The following ABCB5 variants were observed in gnomAD, a reference collection of about 807,000 sequenced individuals.
The protein encoded by ABCB5 is ATP-binding cassette sub-family B member 5.
A neutral mutation model predicts 144.2 loss-of-function variants in ABCB5; 155 were observed. The observed-to-expected ratio is 1.08, with a 90% CI of 0.94 to 1.23. ABCB5 has a LOEUF of 1.23. Ranked by LOEUF, ABCB5 falls within the 50% of genes most tolerant of loss-of-function variation. The pLI, the probability that ABCB5 is intolerant of heterozygous loss-of-function variation, is 0.00. For missense variants in ABCB5, 1,830 were observed against 1,520.8 expected (o/e 1.20, Z -3.38); for synonymous variants, 610 against 528.6 (o/e 1.15, Z -2.11).
chr7:20,755,754 C>A lies in ABCB5; in HGVS notation c.*130C>A. The A allele has an allele frequency of 1.1e-6, 1 of 892,110 alleles. No homozygotes were observed. Among genetic ancestry groups the A allele is most frequent in the Non-Finnish European group, 1.7e-6 (1 of 590,672 alleles). 55.3% of individuals were successfully genotyped at this position (892,110 alleles called of 1,614,324 possible). A position where few individuals can be genotyped will look rare whatever the true frequency, so the allele number is the denominator to read the frequency against. ...TAGAATCATGCTACTCAAGTACATA[C>A]ATGTTCTATTCACACACCATCTGAC... On this transcript the variant is annotated 3_prime_UTR_variant, in exon 28 of 28. Coordinates refer to ENST00000404938, the MANE Select transcript of ABCB5 (RefSeq NM_001163941.2).
chr7:20,666,317 C>A (rs1785193644), intron 14 of ABCB5, among the ~76,000 whole-genome samples: 1 of 152,176 alleles, frequency 6.6e-6, no homozygotes, highest in African/African-American at 2.4e-5. Context: ...CCACACTTGC[C>A]CCCAGGTTAC....
chr7:20,701,297 A>AGC (rs1427453490), intron 19 of ABCB5, among the ~76,000 whole-genome samples: 2 of 152,228 alleles, frequency 1.3e-5, no homozygotes, highest in Non-Finnish European at 2.9e-5. Context: ...TGAGACTTTA[A>AGC]TTAACTAATA....
In ABCB5 at chr7:20,643,284, AT is replaced by A; in HGVS notation, c.417del (p.Arg140GlufsTer28). Reference protein sequence around the residue: ...IITAARQTKRIRKQFFHSVLA... With the variant: ...IITAARQTKRXRKQFFHSVLA... The stretch of plus-strand genomic sequence containing the variant: ...AACTGCAGCACGACAGACCAAGAGG[AT>A]TCGAAAACAGTTTTTTCATTCAGTT... On this transcript the variant is annotated frameshift_variant, in exon 6 of 28. Transcript: ENST00000404938. LOFTEE classifies it high-confidence loss of function. 6.2e-7 allele frequency: 1 copy of A among 1,613,950 alleles called. No individual in the cohort carries two copies. Among genetic ancestry groups the A allele is most frequent in the Non-Finnish European group, 8.5e-7 (1 of 1,179,880 alleles).
intron 26 of ABCB5, among the ~76,000 whole-genome samples, chr7:20,748,469 G>C (rs1440639986): frequency 4.0e-5 from 6 of 151,888 alleles, no homozygotes; most frequent in Non-Finnish European, 7.4e-5. Context: ...GGCCAACATG[G>C]TGAAACCCTG....
intron 20 of ABCB5, among the ~76,000 whole-genome samples, chr7:20,717,726 C>T (rs148111782): frequency 1.2e-3 from 185 of 150,420 alleles, no homozygotes; most frequent in African/African-American, 4.2e-3. Context: ...CGCGAGCCAC[C>T]GCACCTGGCC....
At chr7:20,747,356 G>C (rs765251647) in intron 26 of ABCB5, among the ~76,000 whole-genome samples, 2 of 152,034 alleles carry the variant, frequency 1.3e-5, no homozygotes, top group Non-Finnish European at 2.9e-5. Flanking sequence ...CTGCAGCCTC[G>C]ACCTCCCAGG....
At chr7:20,711,774 C>G (rs1342394667) in intron 20 of ABCB5, among the ~76,000 whole-genome samples, 2 of 54,108 alleles carry the variant, frequency 3.7e-5, no homozygotes, top group Admixed American at 2.3e-4. Flanking sequence ...GCCTTTCCTT[C>G]TTTCTCTTTC....
intron 26 of ABCB5, among the ~76,000 whole-genome samples, 169 bp downstream of exon 26, chr7:20,745,607 G>A (rs1322724331): frequency 1.3e-5 from 2 of 152,170 alleles, no homozygotes; most frequent in Non-Finnish European, 1.5e-5. Context: ...CCAAGTTTGA[G>A]ATTTTCGTGT....
intron 5 of ABCB5, among the ~76,000 whole-genome samples, chr7:20,639,723 G>A (rs534304838): frequency 6.6e-6 from 1 of 152,142 alleles, no homozygotes; most frequent in Non-Finnish European, 1.5e-5. Flanking sequence ...CTTTATGCCA[G>A]TACTGCACTG....
chr7:20,699,265 T>C (rs1194484377), intron 17 of ABCB5, among the ~76,000 whole-genome samples: 8 of 148,374 alleles, frequency 5.4e-5, no homozygotes, highest in Non-Finnish European at 1.2e-4. Context: ...AGCAGATAGA[T>C]GACTCATTAT....
intron 20 of ABCB5, among the ~76,000 whole-genome samples, chr7:20,719,213 T>G (rs577205123): frequency 9.9e-5 from 15 of 152,150 alleles, no homozygotes; most frequent in Non-Finnish European, 2.1e-4. Flanking sequence ...AATTCTGTCT[T>G]TCCAGGTAAA....
chr7:20,688,444 G>C (rs1315453150), intron 16 of ABCB5, among the ~76,000 whole-genome samples: 4 of 152,092 alleles, frequency 2.6e-5, no homozygotes, highest in African/African-American at 9.7e-5. Flanking sequence ...AGTTAGAATG[G>C]CGATCATTAA....
At chr7:20,694,923 T>C (rs1786355692) in intron 16 of ABCB5, among the ~76,000 whole-genome samples, 1 of 151,924 alleles carries the variant, frequency 6.6e-6, no homozygotes, top group South Asian at 2.1e-4. Context: ...CTATAAAATA[T>C]TACAGAGAAA....
chr7:20,649,429 T>C (rs1784512582), intron 11 of ABCB5, among the ~76,000 whole-genome samples: 1 of 152,174 alleles, frequency 6.6e-6, no homozygotes, highest in African/African-American at 2.4e-5. Context: ...AGGGTAATTA[T>C]TGTGAGGCTT....
chr7:20,721,372 T>C (rs1781862267), intron 20 of ABCB5, among the ~76,000 whole-genome samples: 1 of 152,214 alleles, frequency 6.6e-6, no homozygotes, highest in African/African-American at 2.4e-5. Flanking sequence ...CTTTGCATTG[T>C]TATGAGATTA....
chr7:20,668,612 G>GA (rs1785317108), intron 14 of ABCB5, among the ~76,000 whole-genome samples: 1 of 134,444 alleles, frequency 7.4e-6, no homozygotes, highest in Non-Finnish European at 1.6e-5. Context: ...TCAGCCCCCC[G>GA]CCCGGCCAGC....
Position 20,698,421 on chromosome 7 carries a change from A to T in ABCB5, c.2025A>T (p.Glu675Asp). The T allele has an allele frequency of 6.3e-7, 1 of 1,576,604 alleles. No homozygotes were observed. ...TTTATTTTTAGATAAGTCTTCCTGA[A>T]GTCTCTCTATTAAAAATTTTAAAGT... is the stretch of plus-strand genomic sequence containing the variant. ...STQSKEISLP[E>D]VSLLKILKLN... Residue 675 changes from glutamate to aspartate, a missense_variant, in exon 17 of 28, where the codon GAA (glutamate) becomes GAT (aspartate). Transcript: ENST00000404938.
intron 16 of ABCB5, among the ~76,000 whole-genome samples, chr7:20,687,347 G>A (rs1187901946): frequency 6.6e-6 from 1 of 152,090 alleles, no homozygotes; most frequent in East Asian, 1.9e-4. Context: ...TGATATAATT[G>A]GTTTACAATC....
intron 5 of ABCB5, among the ~76,000 whole-genome samples, chr7:20,634,385 A>G (rs1371212077): frequency 6.6e-6 from 1 of 152,040 alleles, no homozygotes; most frequent in East Asian, 1.9e-4. Context: ...TTCTGGCACA[A>G]TGATTTCTTT....
Sources: allele counts gnomAD v4.1 joint callset (sites outside exome capture counted in the v4.1 genomes callset), GRCh38; gene constraint gnomAD v4.1.1; transcripts MANE v1.5; gene names NCBI Gene and HGNC (gene_info 2026-07-23, HGNC 2026-07-21).